NAB2: variants seen among roughly 807,000 people sequenced by gnomAD.
NAB2 encodes NGFI-A-binding protein 2.
A neutral mutation model predicts 44.2 loss-of-function variants in NAB2; 9 were observed. The ratio of observed to expected loss-of-function variants is 0.20; its 90% CI spans 0.12 to 0.36. The LOEUF (loss-of-function observed/expected upper bound fraction) is 0.36. NAB2 is among the 10% of genes least tolerant of loss of function. The pLI, the probability that NAB2 is intolerant of heterozygous loss-of-function variation, is 1.00. For synonymous variants in NAB2, 342 were observed against 291.0 expected (o/e 1.18, Z -1.78); for missense variants, 514 against 709.0 (o/e 0.73, Z 3.12).
Position 57,094,723 on chromosome 12 carries a change from G to A in NAB2, c.*2G>A, listed in dbSNP as rs764820740. 1.9e-6 allele frequency: 3 copies of A among 1,550,008 alleles called. No homozygotes were observed. Among genetic ancestry groups the A allele is most frequent in the Non-Finnish European group, 2.6e-6 (3 of 1,147,072 alleles). On this transcript the variant is annotated 3_prime_UTR_variant, in exon 7 of 7. Coordinates refer to ENST00000300131, the MANE Select transcript of NAB2 (RefSeq NM_005967.4). ...GAGGCTGAGGCCAGCCGGCAGTGAGGGTTGGACTGGTGTCTTCAGACCCAG... is the reference window on the plus strand; with the variant it reads ...GAGGCTGAGGCCAGCCGGCAGTGAGAGTTGGACTGGTGTCTTCAGACCCAG...
Position 57,095,089 on chromosome 12 carries a change from T to A in NAB2, c.*368T>A. ...GACAAGGGGGAAAGGGGGACTTCCC[T>A]GGGAAGGTCCAGCTAAAAGTGGCAA... On this transcript the variant is annotated 3_prime_UTR_variant, in exon 7 of 7. Transcript: ENST00000300131. 1 of 196,130 alleles carries A rather than the reference T, an allele frequency of 5.1e-6. No homozygotes were observed. The highest frequency in any genetic ancestry group is 1.0e-5 in the Non-Finnish European group (1 of 95,888). 12.1% of individuals were successfully genotyped at this position (196,130 alleles called of 1,614,324 possible).
At position 57,092,516 on chromosome 12, in the gene NAB2, G is replaced by C; in HGVS notation, c.1026G>C (p.Glu342Asp). Residue 342 changes from glutamate to aspartate, a missense_variant, in exon 3 of 7, where the codon GAG becomes GAC. Glu to Asp is a conservative substitution (Grantham distance 45). This residue lies in a region of NAB2 where 53 missense variants were observed against 108.5 expected (regional missense o/e 0.49). Transcript: ENST00000300131. The stretch of plus-strand genomic sequence containing the variant: ...ACACGCTCTTATTACGGAGAGTGGA[G>C]CTCTTCTCTTTGTCCCGCCAAGTAG... The part of the protein sequence containing the change: ...RDNTLLLRRV[E>D]LFSLSRQVAR... 6.2e-7 allele frequency: 1 copy of C among 1,614,216 alleles called. No individual in the cohort carries two copies. Among genetic ancestry groups the C allele is most frequent in the Non-Finnish European group, 8.5e-7 (1 of 1,180,040 alleles).
In NAB2 at chr12:57,092,599, G is replaced by A; in HGVS notation, c.1091+18G>A. 6.2e-7 allele frequency: 1 copy of A among 1,613,390 alleles called. No homozygotes were observed. Among genetic ancestry groups the A allele is most frequent in the African/African-American group, 1.3e-5 (1 of 75,012 alleles). On this transcript the variant is annotated intron_variant, in intron 3 of 6. Coordinates refer to ENST00000300131, the MANE Select transcript of NAB2 (RefSeq NM_005967.4). ...GGCTCCAGGTGAGACCCCTTCCCCA[G>A]GTCCTTCCTGGACTGGAATCCTGCT...
Position 57,091,789 on chromosome 12 carries a change from G to C in NAB2, c.748G>C (p.Glu250Gln). ...GGTACGCATGGTGGTGGAAAGTGTGGAGAGGATCTTCCGGAGCTTCCCAAG... is the reference window on the plus strand; with the variant it reads ...GGTACGCATGGTGGTGGAAAGTGTGCAGAGGATCTTCCGGAGCTTCCCAAG... ...EMVRMVVESV[E>Q]RIFRSFPRGD... Residue 250 changes from glutamate (E) to glutamine (Q), a missense_variant, in exon 2 of 7, where the codon GAG becomes CAG. Physicochemically the swap from Glu to Gln is conservative, Grantham distance 29 (BLOSUM62 2). Transcript: ENST00000300131. The surrounding 1 kb of genome is among the most constrained non-coding windows in gnomAD (Gnocchi z 7.3). 6.2e-7 allele frequency: 1 copy of C among 1,614,200 alleles called. No homozygotes were observed. Among genetic ancestry groups the C allele is most frequent in the Non-Finnish European group, 8.5e-7 (1 of 1,180,012 alleles).
chr12:57,089,283 G>T lies in NAB2; in HGVS notation c.12G>T (p.Ala4=). The T allele has an allele frequency of 1.3e-6, 2 of 1,575,710 alleles. No homozygotes were observed. Among genetic ancestry groups the T allele is most frequent in the Non-Finnish European group, 1.7e-6 (2 of 1,161,020 alleles). The change falls in exon 1 of 7, where the codon GCG becomes GCT. Residue 4 remains alanine, a synonymous_variant. Transcript: ENST00000300131. Reference sequence around the variant, plus strand: ...ATCTCCGGCCGTCCATGCACAGAGCGCCTTCCCCCACAGCCGAGCAGCCGC... The same window carrying T: ...ATCTCCGGCCGTCCATGCACAGAGCTCCTTCCCCCACAGCCGAGCAGCCGC... The part of the protein sequence containing the change: MHR[A]PSPTAEQPPG...
intron 2 of NAB2, 149 bp from the exon 3 acceptor site, chr12:57,092,299 A>C (rs1319438913): frequency 8.1e-7 from 1 of 1,239,950 alleles, no homozygotes; most frequent in Non-Finnish European, 1.1e-6. Flanking sequence ...CTGTCTTCCC[A>C]CCTCAGAAAG....
chr12:57,095,005 A>C lies in NAB2; in HGVS notation c.*284A>C. 2.2e-6 allele frequency: 1 copy of C among 450,012 alleles called. No individual in the cohort carries two copies. Among genetic ancestry groups the C allele is most frequent in the Non-Finnish European group, 4.0e-6 (1 of 249,692 alleles). The allele number at this position is 450,012 out of a possible 1,614,324, so 27.9% of individuals were successfully genotyped here. On this transcript the variant is annotated 3_prime_UTR_variant, in exon 7 of 7. Coordinates refer to ENST00000300131, the MANE Select transcript of NAB2 (RefSeq NM_005967.4). ...TCTGGGGTTTTCCCCTCCCTCACAC[A>C]ACACACTCCCATTCTCTTTAGGTTT...
rs759900744 is a variant in NAB2 at position 57,091,260 on chromosome 12, T to C, written c.219T>C (p.Cys73=). 6.2e-7 allele frequency: 1 copy of C among 1,606,340 alleles called. No homozygotes were observed. The highest frequency in any genetic ancestry group is 2.2e-5 in the East Asian group (1 of 44,646). ...QQGGDDVQQL[C]EAGEEEFLEI... is the part of the protein sequence containing the mutation. ...GAGGGGACGACGTGCAGCAGCTGTG[T>C]GAGGCGGGTGAGGAGGAGTTTCTGG... Residue 73 remains cysteine (C), a synonymous_variant, in exon 2 of 7, where the codon TGT becomes TGC. Coordinates refer to ENST00000300131, the MANE Select transcript of NAB2 (RefSeq NM_005967.4). This position sits in a 1 kb window ranked among gnomAD's most constrained non-coding sequence, Gnocchi z 7.3.
At position 57,095,164 on chromosome 12, in the gene NAB2, C is replaced by G. The variant is rs1340754919; in HGVS notation, c.*443C>G. The G allele has an allele frequency of 6.2e-6, 1 of 160,172 alleles. No homozygotes were observed. The highest frequency in any genetic ancestry group is 1.4e-5 in the Non-Finnish European group (1 of 72,924). 9.9% of individuals were successfully genotyped at this position (160,172 alleles called of 1,614,324 possible). Reference sequence around the variant, plus strand: ...TGGGAACACTGGACCTGCTCCTTCTCCCCTCTCCTTCCCCGTTTTTGTGCT... The same window carrying G: ...TGGGAACACTGGACCTGCTCCTTCTGCCCTCTCCTTCCCCGTTTTTGTGCT... On this transcript the variant is annotated 3_prime_UTR_variant, in exon 7 of 7. Coordinates refer to ENST00000300131, the MANE Select transcript of NAB2 (RefSeq NM_005967.4).
intron 6 of NAB2, 36 bp downstream of exon 6, chr12:57,093,634 G>C (rs917476364): frequency 5.5e-6 from 8 of 1,451,158 alleles, no homozygotes; most frequent in Non-Finnish European, 7.3e-6. Flanking sequence ...CAAGCACCCC[G>C]GCCACTCAGG....
chr12:57,089,459 CGGGGGTG>C, intron 1 of NAB2, 105 bp downstream of exon 1: 2 of 101,990 alleles, frequency 2.0e-5, no homozygotes, highest in Non-Finnish European at 1.9e-5. Context: ...GGAAGCAGGA[CGGGGGTG>C]GGGGGTGGAG....
chr12:57,093,634 G>A (rs917476364), intron 6 of NAB2, 36 bp downstream of exon 6: 6 of 1,451,040 alleles, frequency 4.1e-6, no homozygotes, highest in South Asian at 2.8e-5. Flanking sequence ...CAAGCACCCC[G>A]GCCACTCAGG....
At position 57,089,314 on chromosome 12, in the gene NAB2, G is replaced by A. The variant is rs772013233; in HGVS notation, c.43G>A (p.Gly15Arg). 1.3e-6 allele frequency: 2 copies of A among 1,578,824 alleles called. No individual in the cohort carries two copies. The highest frequency in any genetic ancestry group is 2.3e-5 in the East Asian group (1 of 43,636). Residue 15 changes from glycine (G) to arginine (R), a missense_variant, in exon 1 of 7, where the codon GGA (glycine) becomes AGA (arginine). Physicochemically the swap from Gly to Arg is moderately radical, Grantham distance 125. Coordinates refer to ENST00000300131, the MANE Select transcript of NAB2 (RefSeq NM_005967.4). ...CCCCACAGCCGAGCAGCCGCCGGGC[G>A]GAGGGGACAGCGCCCGCCGGACCCT... is the stretch of plus-strand genomic sequence containing the variant. Reference protein sequence around the residue: ...PSPTAEQPPGGGDSARRTLQP... With the variant: ...PSPTAEQPPGRGDSARRTLQP...
rs916489868 is a variant in NAB2, at chr12:57,089,189, C to A, written c.-83C>A. 4 of 1,394,650 alleles carry A rather than the reference C, an allele frequency of 2.9e-6. No homozygotes were observed. The highest frequency in any genetic ancestry group is 3.9e-6 in the Non-Finnish European group (4 of 1,013,970). 86.4% of individuals were successfully genotyped at this position (1,394,650 alleles called of 1,614,324 possible). A position where few individuals can be genotyped will look rare whatever the true frequency, so the allele number is the denominator to read the frequency against. On this transcript the variant is annotated 5_prime_UTR_variant, in exon 1 of 7. Transcript: ENST00000300131. ...GCCTGGACAGCGGTGGACACGGCAT[C>A]GTGCGCGGGGAAGAGGGCAGCACGC...
Position 57,091,969 on chromosome 12 carries a change from C to T in NAB2, c.928C>T (p.Arg310Trp), listed in dbSNP as rs923066254. ...IIYGRFDSKR[R>W]EGKQLSLHEL... ...CTATGGCCGTTTCGACTCTAAGCGGCGGGAGGGCAAGCAGCTCAGCCTGCA... is the reference window on the plus strand; with the variant it reads ...CTATGGCCGTTTCGACTCTAAGCGGTGGGAGGGCAAGCAGCTCAGCCTGCA... Residue 310 changes from arginine (R) to tryptophan (W), a missense_variant, in exon 2 of 7, where the codon CGG (arginine) becomes TGG (tryptophan). Around this residue, in one of 5 missense-constraint regions of NAB2, gnomAD observed 53 missense variants for 108.5 expected, o/e 0.49. Coordinates refer to ENST00000300131, the MANE Select transcript of NAB2 (RefSeq NM_005967.4). The surrounding 1 kb of genome is among the most constrained non-coding windows in gnomAD (Gnocchi z 7.3). The T allele has an allele frequency of 3.7e-6, 6 of 1,611,660 alleles. No individual in the cohort carries two copies. Among genetic ancestry groups the T allele is most frequent in the Non-Finnish European group, 5.1e-6 (6 of 1,178,424 alleles).
At chr12:57,089,480 G>A in intron 1 of NAB2, 126 bp downstream of exon 1, 1 of 756,400 alleles carries the variant, frequency 1.3e-6, no homozygotes, top group South Asian at 1.8e-5. Flanking sequence ...GGTGGAGACT[G>A]ATGGAAAAGG....
intron 1 of NAB2, among the ~76,000 whole-genome samples, chr12:57,090,001 G>T (rs1009828910): frequency 6.6e-6 from 1 of 152,194 alleles, no homozygotes; most frequent in Non-Finnish European, 1.5e-5. Context: ...CTGTGGGAGT[G>T]TGTGTGGGCG....
At position 57,094,784 on chromosome 12, in the gene NAB2, T is replaced by G; in HGVS notation, c.*63T>G. 1 of 1,348,888 alleles carries G rather than the reference T, an allele frequency of 7.4e-7. No individual in the cohort carries two copies. The highest frequency in any genetic ancestry group is 1.0e-6 in the Non-Finnish European group (1 of 984,000). 83.6% of individuals were successfully genotyped at this position (1,348,888 alleles called of 1,614,324 possible). On this transcript the variant is annotated 3_prime_UTR_variant, in exon 7 of 7. Transcript: ENST00000300131. ...TTCTGGCTCACACAGACCCCCACGC[T>G]CTCCATCCCCGGAATCTAGTCACAA...
Position 57,091,718 on chromosome 12 carries a change from C to G in NAB2, c.677C>G (p.Ala226Gly), listed in dbSNP as rs748674945. 2.7e-5 allele frequency: 43 copies of G among 1,613,754 alleles called. No homozygotes were observed. The highest frequency in any genetic ancestry group is 3.6e-5 in the Non-Finnish European group (42 of 1,179,862). The stretch of plus-strand genomic sequence containing the variant: ...GAGGGGACTGGGGCTGGGGGGCTGG[C>G]AGCAGGTGGGACTGGGGGTGGTCCA... ...VPEGTGAGGL[A>G]AGGTGGGPDR... The change falls in exon 2 of 7, where the codon GCA becomes GGA. Residue 226 changes from alanine to glycine, a missense_variant. Ala to Gly is a moderately conservative substitution (Grantham distance 60). Coordinates refer to ENST00000300131, the MANE Select transcript of NAB2 (RefSeq NM_005967.4). This position sits in a 1 kb window ranked among gnomAD's most constrained non-coding sequence, Gnocchi z 7.3.
Sources: allele counts gnomAD v4.1 joint callset (sites outside exome capture counted in the v4.1 genomes callset), GRCh38; gene constraint gnomAD v4.1.1; regional missense constraint gnomAD v4.1.1; non-coding constraint Gnocchi (gnomAD v3.1); transcripts MANE v1.5; gene names NCBI Gene and HGNC (gene_info 2026-07-23, HGNC 2026-07-21).